Variants in ABCA2 observed in about 807,000 individuals in gnomAD.
The protein encoded by ABCA2 is ATP-binding cassette sub-family A member 2.
ABCA2 carries 84 observed loss-of-function variants against 262.8 expected under a neutral mutation model. The ratio of observed to expected loss-of-function variants is 0.32; its 90% CI spans 0.27 to 0.38. The LOEUF is 0.38. Among genes scored for constraint, ABCA2 ranks in the 10% least tolerant of loss-of-function variants. ABCA2 has a pLI of 1.00. For missense variants in ABCA2, 2,662 were observed against 3,405.9 expected, an observed-to-expected ratio of 0.78 and a Z score of 5.44; for synonymous variants, 1,696 against 1,502.9, an observed-to-expected ratio of 1.13 and a Z score of -2.97.
rs373921865 is a variant in ABCA2, at chr9:137,011,814, C to T, written c.5535+30G>A. ...GGCGGGGATGGGGGATGAGAAGGGC[C>T]GGGGCACCCCATGGCCACGCCGGGC... is the stretch of plus-strand genomic sequence containing the variant. On this transcript the variant is annotated intron_variant, in intron 35 of 48. Transcript: ENST00000341511. The surrounding 1 kb of genome is among the most constrained non-coding windows in gnomAD (Gnocchi z 8.8). 38 of 1,556,938 alleles carry T rather than the reference C, an allele frequency of 2.4e-5. No homozygotes were observed. The African/African-American group carries it at 2.4e-4, about 10-fold the overall frequency.
chr9:137,018,766 T>C lies in ABCA2; in HGVS notation c.1772A>G (p.Asn591Ser), dbSNP rs1481882798. ...CTGGTAGGCCTGGTTGAGGGTGTAG[T>C]TGACAATGCTCTCCTCGTCGGGGAA... is the stretch of plus-strand genomic sequence containing the variant. ...KGFPDEESIV[N>S]YTLNQAYQDN... The change falls in exon 13 of 49, where the codon AAC becomes AGC. Residue 591 changes from asparagine (N) to serine (S), a missense_variant. Physicochemically the swap from Asn to Ser is conservative, Grantham distance 46. Coordinates refer to ENST00000341511, the MANE Select transcript of ABCA2 (RefSeq NM_001606.5). The C allele has an allele frequency of 3.1e-6, 5 of 1,612,514 alleles. No homozygotes were observed. Among genetic ancestry groups the C allele is most frequent in the South Asian group, 1.1e-5 (1 of 91,068 alleles).
Position 137,011,309 on chromosome 9 carries a change from C to T in ABCA2, c.5800G>A (p.Asp1934Asn). 1.9e-6 allele frequency: 3 copies of T among 1,610,962 alleles called. No individual in the cohort carries two copies. The highest frequency in any genetic ancestry group is 2.5e-6 in the Non-Finnish European group (3 of 1,178,666). ...AGGTAACTGTTGACAACCTTCAGGT[C>T]CTGCGGGGTGGCCGGGGTCAGGGGC... ...FLLQLFEHDK[D>N]LKVVNSYLKS... The change falls in exon 38 of 49, where the codon GAC becomes AAC. Residue 1934 changes from aspartate (D) to asparagine (N), a missense_variant and splice_region_variant. Around this residue, in one of 12 missense-constraint regions of ABCA2, gnomAD observed 602 missense variants for 897.4 expected, o/e 0.67. Coordinates refer to ENST00000341511, the MANE Select transcript of ABCA2 (RefSeq NM_001606.5). The surrounding 1 kb of genome is among the most constrained non-coding windows in gnomAD (Gnocchi z 8.8).
chr9:137,010,547 C>G lies in ABCA2; in HGVS notation c.6174+73G>C, dbSNP rs750071223. 1.6e-5 allele frequency: 24 copies of G among 1,542,798 alleles called. No homozygotes were observed. The Admixed American group carries it at 2.3e-4, about 15-fold the overall frequency. On this transcript the variant is annotated intron_variant, in intron 40 of 48. Transcript: ENST00000341511. ...GGCCCTGCCCACCCAGGCTCCACCT[C>G]CACTGCTGGGGCCCCACCCCCCTGG...
At position 137,024,201 on chromosome 9, in the gene ABCA2, C is replaced by G. The variant is rs1208440771; in HGVS notation, c.102G>C (p.Val34=). ...VLAFEIFIPL[V]LFFILLGLRQ... ...GCAGCCCCAGCAGGATAAAGAACAG[C>G]ACCAGGGGGATGAAGATCTCGAAGG... The change falls in exon 2 of 49, where the codon GTG becomes GTC. Residue 34 remains valine (V), a synonymous_variant. Transcript: ENST00000341511. 1.2e-6 allele frequency: 2 copies of G among 1,612,258 alleles called. No homozygotes were observed. The highest frequency in any genetic ancestry group is 8.5e-7 in the Non-Finnish European group (1 of 1,179,554).
chr9:137,027,413 C>T, intron 1 of ABCA2: 1 of 152,920 alleles, frequency 6.5e-6, no homozygotes, highest in South Asian at 2.1e-4. Flanking sequence ...GGTGGGGGGA[C>T]CAGGAGGCAA....
rs754926566 is a variant in ABCA2 at position 137,009,065 on chromosome 9, G to T, written c.6828-12C>A. On this transcript the variant is annotated splice_polypyrimidine_tract_variant and intron_variant, in intron 45 of 48. Coordinates refer to ENST00000341511, the MANE Select transcript of ABCA2 (RefSeq NM_001606.5). ...AGCCATCTCCAAACCTGGTGGGACA[G>T]GCCGGTGGCCCGGAGCCCTGCGCCG... is the stretch of plus-strand genomic sequence containing the variant. 38 of 1,603,110 alleles carry T rather than the reference G, an allele frequency of 2.4e-5. No individual in the cohort carries two copies. Among genetic ancestry groups the T allele is most frequent in the Non-Finnish European group, 3.2e-5 (38 of 1,179,116 alleles).
chr9:137,021,541 T>C lies in ABCA2; in HGVS notation c.748A>G (p.Ile250Val). 1 of 1,594,660 alleles carries C rather than the reference T, an allele frequency of 6.3e-7. No individual in the cohort carries two copies. The highest frequency in any genetic ancestry group is 8.5e-7 in the Non-Finnish European group (1 of 1,171,568). Residue 250 changes from isoleucine to valine, a missense_variant, in exon 8 of 49, where the codon ATC (isoleucine) becomes GTC (valine). By Grantham distance (29) the Ile-to-Val change is conservative. Transcript: ENST00000341511. The surrounding 1 kb of genome is among the most constrained non-coding windows in gnomAD (Gnocchi z 6.0). ...TTCTGACTCTCAGGCACAGTGAGGA[T>C]CCGGCCCAGCTCCCCCGAGCCCGGC... ...CTPGSGELGR[I>V]LTVPESQKGA...
Position 137,013,489 on chromosome 9 carries a change from A to G in ABCA2, c.4522T>C (p.Tyr1508His). 6.2e-7 allele frequency: 1 copy of G among 1,609,466 alleles called. No individual in the cohort carries two copies. Among genetic ancestry groups the G allele is most frequent in the Non-Finnish European group, 8.5e-7 (1 of 1,179,160 alleles). The change falls in exon 29 of 49, where the codon TAC becomes CAC. Residue 1508 changes from tyrosine (Y) to histidine (H), a missense_variant. Transcript: ENST00000341511. ...TACTCGCGGCGCTCCTCGTTGGCGT[A>G]GGGGATGAAATTGCCACGGGGCTGG... The part of the protein sequence containing the change: ...YTQPRGNFIP[Y>H]ANEERREYRL...
intron 46 of ABCA2, 32 bp from the exon 47 acceptor site, chr9:137,008,900 G>GCCCCCCCCCCCCCCCTGCCCCCC (rs59031144): frequency 3.9e-6 from 6 of 1,556,378 alleles, no homozygotes; most frequent in African/African-American, 1.4e-5. Flanking sequence ...GCCTGGCAGC[G>GCCCCCCCCCCCCCCCTGCCCCCC]CCCCCCCACC....
chr9:137,025,298 G>A (rs1327031552), intron 1 of ABCA2, among the ~76,000 whole-genome samples: 1 of 152,216 alleles, frequency 6.6e-6, no homozygotes, highest in Non-Finnish European at 1.5e-5. Flanking sequence ...GGGAGGAGGA[G>A]GAGCTTGAGC....
In ABCA2 at chr9:137,013,944, G is replaced by C. The variant is rs1564217611; in HGVS notation, c.4335C>G (p.Val1445=). 1 of 1,611,994 alleles carries C rather than the reference G, an allele frequency of 6.2e-7. No individual in the cohort carries two copies. The highest frequency in any genetic ancestry group is 2.2e-5 in the East Asian group (1 of 44,854). Residue 1445 remains valine, a synonymous_variant, in exon 28 of 49, where the codon GTC becomes GTG. Coordinates refer to ENST00000341511, the MANE Select transcript of ABCA2 (RefSeq NM_001606.5). The part of the protein sequence containing the change: ...LKVRQFHGLL[V]KRFHCARRNS... ...TGCGGCGGGCGCAGTGGAAGCGTTT[G>C]ACCAGCAGCCCGTGGAACTGGCGCA...
intron 45 of ABCA2, 71 bp downstream of exon 45, chr9:137,009,299 C>A: frequency 7.2e-7 from 1 of 1,390,422 alleles, no homozygotes. Flanking sequence ...GCCACCCCCA[C>A]TCCTGGCCCC....
intron 27 of ABCA2, 43 bp from the exon 28 acceptor site, chr9:137,014,081 C>A (rs1831166296): frequency 6.3e-7 from 1 of 1,598,964 alleles, no homozygotes; most frequent in Non-Finnish European, 8.5e-7. Context: ...TGCACGCTAC[C>A]CTCTCCCTAC....
Position 137,008,990 on chromosome 9 carries a change from C to T in ABCA2, c.6891G>A (p.Val2297=), listed in dbSNP as rs1364777508. 4 of 1,608,752 alleles carry T rather than the reference C, an allele frequency of 2.5e-6. No homozygotes were observed. The Admixed American group carries it at 5.0e-5, about 20-fold the overall frequency. ...CCGGGAAGTTGCGGTTGAAGAACCGCACCACGTCCTTCACACTCTGGCTGC... is the reference window on the plus strand; with the variant it reads ...CCGGGAAGTTGCGGTTGAAGAACCGTACCACGTCCTTCACACTCTGGCTGC... ...TKSSQSVKDV[V]RFFNRNFPEA... Residue 2297 remains valine (V), a synonymous_variant, in exon 46 of 49, where the codon GTG becomes GTA. Coordinates refer to ENST00000341511, the MANE Select transcript of ABCA2 (RefSeq NM_001606.5).
chr9:137,021,660 A>T lies in ABCA2; in HGVS notation c.679-50T>A. 6.6e-7 allele frequency: 1 copy of T among 1,521,918 alleles called. No homozygotes were observed. The highest frequency in any genetic ancestry group is 1.4e-5 in the African/African-American group (1 of 72,584). 94.3% of individuals were successfully genotyped at this position (1,521,918 alleles called of 1,614,324 possible). On this transcript the variant is annotated intron_variant, in intron 7 of 48. Transcript: ENST00000341511. The surrounding 1 kb of genome is among the most constrained non-coding windows in gnomAD (Gnocchi z 6.0). ...GAGCCACGGCAAGGACTTTGTCCCC[A>T]ACCACTAGGGCCTCAGGCCTCACCC...
At chr9:137,010,843 G>T in intron 39 of ABCA2, 106 bp from the exon 40 acceptor site, 1 of 1,423,140 alleles carries the variant, frequency 7.0e-7, no homozygotes, top group Non-Finnish European at 9.7e-7. Context: ...GGGTGGGCAG[G>T]CCCCTCTGCT....
At position 137,012,985 on chromosome 9, in the gene ABCA2, G is replaced by A; in HGVS notation, c.4867+17C>T. 6.7e-7 allele frequency: 1 copy of A among 1,481,798 alleles called. No homozygotes were observed. The highest frequency in any genetic ancestry group is 2.2e-5 in the Admixed American group (1 of 45,642). The allele number at this position is 1,481,798 out of a possible 1,614,324, so 91.8% of individuals were successfully genotyped here. ...CTCACTGCCCCTGCCCCCCCAGCAG[G>A]CCCCCTGAACCACTACCTGGCCCAG... On this transcript the variant is annotated intron_variant, in intron 30 of 48. Transcript: ENST00000341511.
In ABCA2 at chr9:137,023,936, G is replaced by A. The variant is rs144186138; in HGVS notation, c.161-96C>T. ...TGAGTGCCCACATCACCAGGAAGAG[G>A]CGTTGGCATCATCATTCGCGGCCAC... On this transcript the variant is annotated intron_variant, in intron 2 of 48. Transcript: ENST00000341511. The A allele has an allele frequency of 1.9e-4, 247 of 1,322,496 alleles. 2 individuals are homozygous for A. In the East Asian group the frequency reaches 5.9e-3, roughly 32 times the overall value. The allele number at this position is 1,322,496 out of a possible 1,614,324, so 81.9% of individuals were successfully genotyped here. A position where few individuals can be genotyped will look rare whatever the true frequency, so the allele number is the denominator to read the frequency against.
At chr9:137,020,550 G>A in intron 9 of ABCA2, 55 bp from the exon 10 acceptor site, 1 of 1,547,210 alleles carries the variant, frequency 6.5e-7, no homozygotes, top group South Asian at 1.2e-5. Context: ...GGCCGCGAGA[G>A]TGGGAGGGGC....
Sources: gnomAD v4.1 joint callset for allele counts (sites outside exome capture counted in the v4.1 genomes callset) on GRCh38, gnomAD v4.1.1 for gene constraint, gnomAD v4.1.1 regional missense constraint, Gnocchi (gnomAD v3.1) non-coding constraint, MANE v1.5 for transcripts, NCBI Gene and HGNC (gene_info 2026-07-23, HGNC 2026-07-21) for gene names.